Variants in TRRAP observed in about 807,000 individuals in gnomAD.
The protein encoded by TRRAP is transformation/transcription domain associated protein.
In TRRAP, 41 loss-of-function variants were observed where a neutral mutation model predicts 438.8. That is an observed-to-expected ratio of 0.09 (90% CI 0.07 to 0.12). TRRAP has a LOEUF of 0.12. Among genes scored for constraint, TRRAP ranks in the 10% least tolerant of loss-of-function variants. The pLI is 1.00. For synonymous variants in TRRAP, 1,994 were observed against 1,962.9 expected, an observed-to-expected ratio of 1.02 and a Z score of -0.42; for missense variants, 3,122 against 5,055.1, an observed-to-expected ratio of 0.62 and a Z score of 11.60.
rs866759974 is a variant in TRRAP, at chr7:98,978,235, A to C, written c.8410A>C (p.Met2804Leu). 1.5e-5 allele frequency: 25 copies of C among 1,614,134 alleles called. 4 individuals are homozygous for C. In the Middle Eastern group the frequency reaches 4.1e-3, roughly 266 times the overall value. ...EQAQESYEKA[M>L]DKAKKEHERS... Reference sequence around the variant, plus strand: ...GGCACAAGAATCCTATGAAAAGGCAATGGATAAAGCCAAAAAAGAACATGA... The same window carrying C: ...GGCACAAGAATCCTATGAAAAGGCACTGGATAAAGCCAAAAAAGAACATGA... Residue 2804 changes from methionine to leucine, a missense_variant, in exon 57 of 73, where the codon ATG (methionine) becomes CTG (leucine). Met to Leu is a conservative substitution (Grantham distance 15). This residue lies in a region of TRRAP where 992 missense variants were observed against 1,281.2 expected (regional missense o/e 0.77). Coordinates refer to ENST00000456197, the MANE Select transcript of TRRAP (RefSeq NM_001375524.1).
intron 20 of TRRAP, among the ~76,000 whole-genome samples, chr7:98,918,743 T>A (rs935937018): frequency 1.3e-5 from 2 of 152,108 alleles, no homozygotes; most frequent in African/African-American, 4.8e-5. Flanking sequence ...TTGAAAACAC[T>A]TGTATATTTG....
intron 11 of TRRAP, among the ~76,000 whole-genome samples, chr7:98,901,563 T>C (rs544861393): frequency 4.6e-5 from 7 of 152,356 alleles, no homozygotes. Context: ...ACTTACTATT[T>C]TTTGAGATAG....
rs1352526970 is a variant in TRRAP at position 99,007,629 on chromosome 7, G to T, written c.10754-748G>T. ...CTCCCAAAGTGCTGGGATTACAGGC[G>T]TGAGCCACCATGGCCAGCCATGTTT... On this transcript the variant is annotated intron_variant, in intron 69 of 72. Transcript: ENST00000456197. 1.3e-5 allele frequency among the ~76,000 whole-genome samples: 2 copies of T among 151,846 alleles called. 1 individual carries two copies. Among genetic ancestry groups the T allele is most frequent in the South Asian group, 4.2e-4 (2 of 4,812 alleles).
intron 35 of TRRAP, 78 bp from the exon 36 acceptor site, chr7:98,949,339 A>G: frequency 7.3e-7 from 1 of 1,362,978 alleles, no homozygotes; most frequent in South Asian, 2.3e-5. Context: ...AGATTTAGAA[A>G]GATTTAACAT....
chr7:98,966,757 T>G (rs192140233), intron 49 of TRRAP, among the ~76,000 whole-genome samples: 17 of 152,280 alleles, frequency 1.1e-4, no homozygotes, highest in Non-Finnish European at 2.2e-4. Context: ...AAATAATACT[T>G]AAAGTAAAAG....
intron 69 of TRRAP, among the ~76,000 whole-genome samples, 185 bp from the exon 70 acceptor site, chr7:99,008,192 G>A (rs191342707): frequency 1.3e-5 from 2 of 152,190 alleles, no homozygotes; most frequent in Non-Finnish European, 2.9e-5. Flanking sequence ...ATCAGTTCGT[G>A]CCGTCAGAGC....
At chr7:98,894,401 A>T (rs1796101215) in intron 6 of TRRAP, among the ~76,000 whole-genome samples, 1 of 152,204 alleles carries the variant, frequency 6.6e-6, no homozygotes, top group East Asian at 1.9e-4. Flanking sequence ...GTATACATTT[A>T]CCATAATTAT....
At chr7:98,969,503 CTG>C (rs921348990) in intron 51 of TRRAP, among the ~76,000 whole-genome samples, 1 of 152,260 alleles carries the variant, frequency 6.6e-6, no homozygotes, top group African/African-American at 2.4e-5. Context: ...GACACTATCT[CTG>C]TGCAGTCAAC....
rs376505573 is a variant in TRRAP at position 98,992,247 on chromosome 7, G to A, written c.9847+20G>A. ...AGAGCGGTACGTCTCGGGTGGGGCC[G>A]GTAGGCCAGGCCGGGAAGGGCTCAT... On this transcript the variant is annotated intron_variant, in intron 65 of 72. Transcript: ENST00000456197. The A allele has an allele frequency of 2.0e-5, 33 of 1,612,814 alleles. No homozygotes were observed. Among genetic ancestry groups the A allele is most frequent in the Non-Finnish European group, 2.4e-5 (28 of 1,179,576 alleles).
At position 99,010,964 on chromosome 7, in the gene TRRAP, G is replaced by T; in HGVS notation, c.10939-88G>T. ...TTACAGAATTTGCTCTTGGTGCTAA[G>T]TTAAAGAGGAATTGCAATTTGAGAA... On this transcript the variant is annotated intron_variant, in intron 70 of 72. Transcript: ENST00000456197. The T allele has an allele frequency of 2.9e-6, 4 of 1,361,112 alleles. No individual in the cohort carries two copies. In the South Asian group the frequency reaches 5.3e-5, roughly 18 times the overall value. The allele number at this position is 1,361,112 out of a possible 1,614,324, so 84.3% of individuals were successfully genotyped here.
intron 26 of TRRAP, among the ~76,000 whole-genome samples, chr7:98,932,533 G>A (rs1554413171): frequency 6.6e-6 from 1 of 151,578 alleles, no homozygotes; most frequent in African/African-American, 2.4e-5. Flanking sequence ...TTATAAAGAT[G>A]GGCTCTCACT....
rs1794495555 is a variant in TRRAP at position 99,013,172 on chromosome 7, C to T, written c.*817C>T. 1 of 152,156 alleles carries T rather than the reference C, an allele frequency of 6.6e-6. No individual in the cohort carries two copies. The highest frequency in any genetic ancestry group is 1.5e-5 in the Non-Finnish European group (1 of 68,032). The allele number at this position is 152,156 out of a possible 1,614,324, so 9.4% of individuals were successfully genotyped here. ...CTGTTCCCATTTTTATAAATCTGAG[C>T]ATTGATAATGTTCTATCTAAATTTG... On this transcript the variant is annotated 3_prime_UTR_variant, in exon 73 of 73. Coordinates refer to ENST00000456197, the MANE Select transcript of TRRAP (RefSeq NM_001375524.1).
intron 8 of TRRAP, 125 bp from the exon 9 acceptor site, chr7:98,899,297 T>C: frequency 2.6e-6 from 2 of 757,288 alleles, no homozygotes; most frequent in South Asian, 1.7e-5. Context: ...ATCACAAATA[T>C]TTACAAAGAG....
At chr7:98,968,422 C>T (rs1053812405) in intron 51 of TRRAP, among the ~76,000 whole-genome samples, 3 of 152,166 alleles carry the variant, frequency 2.0e-5, no homozygotes, top group East Asian at 1.9e-4. Context: ...GCAACACAAG[C>T]GTGTTTAACA....
At chr7:98,914,578 G>A (rs190283500) in intron 18 of TRRAP, among the ~76,000 whole-genome samples, 1 of 151,780 alleles carries the variant, frequency 6.6e-6, no homozygotes, top group Admixed American at 6.6e-5. Flanking sequence ...GGCTGGGCAT[G>A]GTGGCTCATG....
intron 26 of TRRAP, among the ~76,000 whole-genome samples, chr7:98,932,404 C>T (rs1278765170): frequency 2.6e-5 from 4 of 152,124 alleles, no homozygotes; most frequent in South Asian, 2.1e-4. Flanking sequence ...TGAGCCACTG[C>T]GCCCAGCCTA....
intron 22 of TRRAP, among the ~76,000 whole-genome samples, chr7:98,926,869 A>G (rs550294147): frequency 6.6e-6 from 1 of 151,860 alleles, no homozygotes; most frequent in African/African-American, 2.4e-5. Context: ...TACAAAAAAA[A>G]TTAGCTGGGC....
rs1554419776 is a variant in TRRAP at position 98,956,349 on chromosome 7, C to G, written c.6096+45C>G. On this transcript the variant is annotated intron_variant, in intron 42 of 72. Coordinates refer to ENST00000456197, the MANE Select transcript of TRRAP (RefSeq NM_001375524.1). This position sits in a 1 kb window ranked among gnomAD's most constrained non-coding sequence, Gnocchi z 4.5. ...GGGTGCCCCGATCGTCTTCCTTTGA[C>G]TTCTCCCTAGAAATCAGTCAGTAAA... The G allele has an allele frequency of 2.5e-6, 4 of 1,613,260 alleles. No individual in the cohort carries two copies. The highest frequency in any genetic ancestry group is 1.7e-6 in the Non-Finnish European group (2 of 1,179,418).
Position 98,950,121 on chromosome 7 carries a change from T to A in TRRAP, c.5193T>A (p.Arg1731=). 2.5e-6 allele frequency: 4 copies of A among 1,614,244 alleles called. No individual in the cohort carries two copies. The South Asian group carries it at 3.3e-5, about 13-fold the overall frequency. Residue 1731 remains arginine (R), a synonymous_variant, in exon 38 of 73, where the codon CGT becomes CGA. Transcript: ENST00000456197. ...LFQLLRAFTG[R]FLCNMTFLKE... The stretch of plus-strand genomic sequence containing the variant: ...AGCTGCTCCGAGCCTTTACTGGTCG[T>A]TTTCTCTGCAACATGACATTCTTAA...
Sources: gnomAD v4.1 joint callset for allele counts (sites outside exome capture counted in the v4.1 genomes callset) on GRCh38, gnomAD v4.1.1 for gene constraint, gnomAD v4.1.1 regional missense constraint, Gnocchi (gnomAD v3.1) non-coding constraint, MANE v1.5 for transcripts, NCBI Gene and HGNC (gene_info 2026-07-23, HGNC 2026-07-21) for gene names.